The following FAM149A variants were observed in gnomAD, a reference collection of about 807,000 sequenced individuals.
FAM149A encodes family with sequence similarity 149 member A, also known as protein FAM149A.
Under a neutral mutation model 78.2 loss-of-function variants are expected in FAM149A, and 71 were observed. The observed-to-expected ratio is 0.91, with a 90% CI of 0.75 to 1.11. The LOEUF is 1.11. Ranked by LOEUF, FAM149A falls within the 50% of genes least tolerant of loss-of-function variation. The pLI, the probability that FAM149A is intolerant of heterozygous loss-of-function variation, is 0.00. For missense variants in FAM149A, 1,036 were observed against 971.0 expected, an observed-to-expected ratio of 1.07 and a Z score of -0.89; for synonymous variants, 446 against 410.5, an observed-to-expected ratio of 1.09 and a Z score of -1.04.
chr4:186,124,150 A>G, intron 1 of FAM149A: 2 of 985,436 alleles, frequency 2.0e-6, no homozygotes, highest in Non-Finnish European at 2.4e-6. Flanking sequence ...ATACATCTAC[A>G]GAATAATCCT....
In FAM149A at chr4:186,174,165, G is replaced by A. The variant is rs566604836; in HGVS notation, c.*2178G>A. ...TAAACTTGTGTCGTGGGAGTTTGTTGTACAGATTATCACCCAGGTATTAAG... is the reference window on the plus strand; with the variant it reads ...TAAACTTGTGTCGTGGGAGTTTGTTATACAGATTATCACCCAGGTATTAAG... On this transcript the variant is annotated 3_prime_UTR_variant, in exon 14 of 14. Transcript: ENST00000389354. Among the ~76,000 whole-genome samples, 1 of 104,534 alleles carries A rather than the reference G, an allele frequency of 9.6e-6. No individual in the cohort carries two copies. The highest frequency in any genetic ancestry group is 3.0e-5 in the African/African-American group (1 of 33,190). The allele number at this position is 104,534 out of a possible 152,430, so 68.6% of individuals were successfully genotyped here. A position where few individuals can be genotyped will look rare whatever the true frequency, so the allele number is the denominator to read the frequency against.
chr4:186,125,285 A>G, intron 1 of FAM149A: 3 of 985,402 alleles, frequency 3.0e-6, no homozygotes, highest in Non-Finnish European at 3.6e-6. Context: ...GATATGTGCC[A>G]GCCACCTGCT....
intron 1 of FAM149A, among the ~76,000 whole-genome samples, chr4:186,129,559 C>T (rs1579816668): frequency 6.6e-6 from 1 of 152,316 alleles, no homozygotes; most frequent in Admixed American, 6.5e-5. Context: ...ACTAGAGAAG[C>T]TGAACACTAG....
rs1732855090 is a variant in FAM149A at position 186,144,760 on chromosome 4, GGGCGGGCGCAGCCGGGATTAGCT to G, written c.567-4404_567-4382del. The G allele has an allele frequency of 1.1e-6, 1 of 939,988 alleles. No homozygotes were observed. The highest frequency in any genetic ancestry group is 1.3e-6 in the Non-Finnish European group (1 of 788,332). The allele number at this position is 939,988 out of a possible 1,614,324, so 58.2% of individuals were successfully genotyped here. ...CGGGGCCGGGGCCCGGAGCGGGGAT[GGGCGGGCGCAGCCGGGATTAGCT>G]GGCGGGCGAGGGCGCAGCGCAGGGA... On this transcript the variant is annotated intron_variant, in intron 1 of 13. Coordinates refer to ENST00000389354, the MANE Select transcript of FAM149A (RefSeq NM_001367768.3). This position sits in a 1 kb window ranked among gnomAD's most constrained non-coding sequence, Gnocchi z 4.2.
intron 1 of FAM149A, among the ~76,000 whole-genome samples, chr4:186,107,232 A>G (rs1332705364): frequency 6.6e-6 from 1 of 152,224 alleles, no homozygotes; most frequent in Non-Finnish European, 1.5e-5. Context: ...GCACTGAAAT[A>G]TGCAGCATGG....
intron 1 of FAM149A, chr4:186,118,117 A>C (rs1478804421): frequency 1.0e-6 from 1 of 985,470 alleles, no homozygotes; most frequent in East Asian, 1.1e-4. Flanking sequence ...AAGGACTGGA[A>C]GTATAAACAG....
At position 186,165,795 on chromosome 4, in the gene FAM149A, G is replaced by A. The variant is rs535794997; in HGVS notation, c.2010+331G>A. Among the ~76,000 whole-genome samples the A allele has an allele frequency of 1.2e-3, 183 of 152,274 alleles. 2 individuals carry two copies. The highest frequency in any genetic ancestry group is 4.2e-3 in the African/African-American group (173 of 41,562). On this transcript the variant is annotated intron_variant, in intron 11 of 13. Transcript: ENST00000389354. ...AGACAGGCAGGTCCGCGTGGATCCT[G>A]CCACAGAAACTCTCTTCTATGACTT...
In FAM149A at chr4:186,167,218, T is replaced by C; in HGVS notation, c.2174T>C (p.Met725Thr). 1 of 1,611,608 alleles carries C rather than the reference T, an allele frequency of 6.2e-7. No individual in the cohort carries two copies. The highest frequency in any genetic ancestry group is 8.5e-7 in the Non-Finnish European group (1 of 1,177,742). ...CCTCGAAAAAGTTCATTGACACAAATGGAATTTGCTGCTCACACATGGACA... is the reference window on the plus strand; with the variant it reads ...CCTCGAAAAAGTTCATTGACACAAACGGAATTTGCTGCTCACACATGGACA... The change falls in exon 13 of 14, where the codon ATG becomes ACG. Residue 725 changes from methionine (M) to threonine (T), a missense_variant. By Grantham distance (81) the Met-to-Thr change is moderately conservative. Transcript: ENST00000389354.
chr4:186,160,690 ATACCACACACAC>A (rs1734524037), intron 8 of FAM149A: 3 of 585,674 alleles, frequency 5.1e-6, no homozygotes, highest in African/African-American at 2.2e-5. Context: ...ACCTTCACAC[ATACCACACACAC>A]TACCACACAC....
At chr4:186,121,683 CACGTTG>C (rs1423816655) in intron 1 of FAM149A, among the ~76,000 whole-genome samples, 1 of 152,194 alleles carries the variant, frequency 6.6e-6, no homozygotes, top group Non-Finnish European at 1.5e-5. Flanking sequence ...AGCCGCTGCA[CACGTTG>C]ACCCCACCTA....
chr4:186,163,002 C>G, intron 9 of FAM149A, 54 bp downstream of exon 9: 1 of 1,016,202 alleles, frequency 9.8e-7, no homozygotes, highest in East Asian at 2.4e-5. Flanking sequence ...GCTGCAAACA[C>G]TGGAGCACTG....
chr4:186,148,011 T>C (rs556614589), intron 1 of FAM149A, among the ~76,000 whole-genome samples: 8 of 152,328 alleles, frequency 5.3e-5, no homozygotes, highest in Non-Finnish European at 8.8e-5. Context: ...AATCTGTACA[T>C]GGTAATTACT....
At chr4:186,163,302 G>T in intron 9 of FAM149A, 122 bp from the exon 10 acceptor site, 1 of 720,962 alleles carries the variant, frequency 1.4e-6, no homozygotes, top group Non-Finnish European at 2.4e-6. Flanking sequence ...CATTCAACCC[G>T]TGCTTAGGAG....
At chr4:186,157,910 G>A in intron 8 of FAM149A, 191 bp downstream of exon 8, 6 of 1,533,864 alleles carry the variant, frequency 3.9e-6, no homozygotes, top group Non-Finnish European at 5.2e-6. Flanking sequence ...CTGGAGACCT[G>A]GACGTCCTGC....
At chr4:186,109,199 A>G (rs1045854690) in intron 1 of FAM149A, 7 of 985,216 alleles carry the variant, frequency 7.1e-6, no homozygotes, top group Non-Finnish European at 8.4e-6. Flanking sequence ...GCAATACGTA[A>G]GGTGGATAGA....
rs1327535435 is a variant in FAM149A, at chr4:186,105,103, G to A, written c.27G>A (p.Gly9=). The A allele has an allele frequency of 1.1e-5, 14 of 1,281,056 alleles. No individual in the cohort carries two copies. The highest frequency in any genetic ancestry group is 1.4e-5 in the Non-Finnish European group (14 of 985,282). 79.4% of individuals were successfully genotyped at this position (1,281,056 alleles called of 1,614,324 possible). ...TGAAGGCTGCTGTGCTGGACCTTGG[G>A]TCTCTCTTGGCCAAACTCTTCGAGA... Residue 9 remains glycine, a synonymous_variant, in exon 1 of 14, where the codon GGG becomes GGA. Transcript: ENST00000389354.
At chr4:186,168,003 T>C (rs1028088475) in intron 13 of FAM149A, among the ~76,000 whole-genome samples, 5 of 152,262 alleles carry the variant, frequency 3.3e-5, no homozygotes, top group African/African-American at 4.8e-5. Context: ...TGATGAATTA[T>C]GAACCATTTG....
chr4:186,130,293 C>CTCTCTCTCTCTCTCTCTCTCTATATA, intron 1 of FAM149A: 99 of 46,538 alleles, frequency 2.1e-3, no homozygotes, highest in South Asian at 6.5e-3. Flanking sequence ...CTCTCTCTCT[C>CTCTCTCTCTCTCTCTCTCTCTATATA]TATATATATA....
chr4:186,163,708 C>A, intron 10 of FAM149A, 75 bp downstream of exon 10: 2 of 1,074,012 alleles, frequency 1.9e-6, no homozygotes, highest in Non-Finnish European at 2.8e-6. Flanking sequence ...GTTTATGGAT[C>A]ATCCTGGACA....
Sources: allele counts gnomAD v4.1 joint callset (sites outside exome capture counted in the v4.1 genomes callset), GRCh38; gene constraint gnomAD v4.1.1; non-coding constraint Gnocchi (gnomAD v3.1); transcripts MANE v1.5; gene names NCBI Gene and HGNC (gene_info 2026-07-23, HGNC 2026-07-21).